DPYD: variants seen among roughly 807,000 people sequenced by gnomAD.
DPYD encodes the protein dihydropyrimidine dehydrogenase [NADP(+)].
A neutral mutation model predicts 116.2 loss-of-function variants in DPYD; 109 were observed. The observed-to-expected ratio is 0.94, with a 90% CI of 0.80 to 1.10. The LOEUF (loss-of-function observed/expected upper bound fraction) is 1.10, where lower values mean the gene tolerates loss of function less well. DPYD is among the 50% of genes least tolerant of loss of function. The pLI is 0.00. For synonymous variants in DPYD, 440 were observed against 432.0 expected (o/e 1.02, Z -0.23); for missense variants, 1,302 against 1,254.5 (o/e 1.04, Z -0.57).
chr1:97,083,768 C>T (rs765252349), intron 21 of DPYD, among the ~76,000 whole-genome samples: 4 of 152,102 alleles, frequency 2.6e-5, no homozygotes, highest in African/African-American at 4.8e-5. Flanking sequence ...TCATCAACAA[C>T]ACGAACTGGG....
chr1:97,261,977 AT>A (rs546420721), intron 18 of DPYD, among the ~76,000 whole-genome samples: 3 of 151,420 alleles, frequency 2.0e-5, no homozygotes, highest in East Asian at 1.9e-4. Context: ...TACTGCCTGA[AT>A]TTTTTTTTGT....
At chr1:97,665,068 C>T (rs1293942043) in intron 8 of DPYD, among the ~76,000 whole-genome samples, 1 of 152,016 alleles carries the variant, frequency 6.6e-6, no homozygotes, top group East Asian at 1.9e-4. Flanking sequence ...CGTATTATCA[C>T]CCAGAATGTT....
At chr1:97,723,723 A>T (rs1303186876) in intron 4 of DPYD, among the ~76,000 whole-genome samples, 1 of 151,594 alleles carries the variant, frequency 6.6e-6, no homozygotes, top group Non-Finnish European at 1.5e-5. Flanking sequence ...TCTCTAAAAG[A>T]GGTTAATAAT....
chr1:97,593,845 T>C (rs1212085143), intron 9 of DPYD, among the ~76,000 whole-genome samples: 1 of 152,228 alleles, frequency 6.6e-6, no homozygotes, highest in Non-Finnish European at 1.5e-5. Flanking sequence ...CTCTGTTATA[T>C]ATTTTGTTAA....
chr1:97,739,277 CATTTTCACATAA>C (rs1346575713), intron 4 of DPYD, among the ~76,000 whole-genome samples: 1 of 152,018 alleles, frequency 6.6e-6, no homozygotes, highest in Non-Finnish European at 1.5e-5. Context: ...CTATATTAGA[CATTTTCACATAA>C]AAATATTATT....
intron 3 of DPYD, among the ~76,000 whole-genome samples, chr1:97,823,821 G>C (rs1669089576): frequency 6.9e-6 from 1 of 144,922 alleles, no homozygotes; most frequent in Admixed American, 6.9e-5. Context: ...CTTTAAAAAT[G>C]CATGAAATTT....
intron 8 of DPYD, among the ~76,000 whole-genome samples, chr1:97,600,342 G>C (rs995647279): frequency 6.9e-4 from 105 of 152,202 alleles, no homozygotes; most frequent in Middle Eastern, 3.4e-3. Flanking sequence ...TGCTGCATTA[G>C]GGACAGTATT....
intron 3 of DPYD, among the ~76,000 whole-genome samples, chr1:97,760,574 C>T (rs1484063857): frequency 6.6e-6 from 1 of 151,732 alleles, no homozygotes; most frequent in African/African-American, 2.4e-5. Flanking sequence ...TAAGTTACAC[C>T]CAACTATTAA....
intron 22 of DPYD, among the ~76,000 whole-genome samples, chr1:97,081,717 C>CTT (rs371355751): frequency 6.3e-4 from 86 of 136,466 alleles, no homozygotes; most frequent in African/African-American, 2.1e-3. Context: ...CTTTTCTTTT[C>CTT]TTTTTTTTTT....
intron 16 of DPYD, among the ~76,000 whole-genome samples, chr1:97,318,500 G>C (rs1294161790): frequency 6.6e-6 from 1 of 151,844 alleles, no homozygotes; most frequent in Non-Finnish European, 1.5e-5. Context: ...TTACATAATG[G>C]TAAAGGGATC....
chr1:97,527,340 G>A (rs1474741444), intron 12 of DPYD, among the ~76,000 whole-genome samples: 1 of 152,036 alleles, frequency 6.6e-6, no homozygotes, highest in Admixed American at 6.6e-5. Flanking sequence ...GCCTCCCAAA[G>A]TGCTGGGATT....
Position 97,566,366 on chromosome 1 carries a change from A to G in DPYD, c.1339+7394T>C, listed in dbSNP as rs532272491. 4.6e-5 allele frequency among the ~76,000 whole-genome samples: 7 copies of G among 152,288 alleles called. No homozygotes were observed. In the East Asian group the frequency reaches 1.2e-3, roughly 25 times the overall value. The stretch of plus-strand genomic sequence containing the variant: ...GAGGGGATTAGAATATATGATCTCT[A>G]AGGTCCTTCTAGCACATTCAGAAAT... On this transcript the variant is annotated intron_variant, in intron 11 of 22. Transcript: ENST00000370192.
intron 16 of DPYD, among the ~76,000 whole-genome samples, chr1:97,326,613 G>T (rs1668717615): frequency 6.6e-6 from 1 of 151,946 alleles, no homozygotes; most frequent in Non-Finnish European, 1.5e-5. Context: ...AGATGTGGAT[G>T]AAATTATTGA....
At chr1:97,165,903 T>A (rs1213896754) in intron 20 of DPYD, among the ~76,000 whole-genome samples, 2 of 135,390 alleles carry the variant, frequency 1.5e-5, no homozygotes, top group Non-Finnish European at 3.1e-5. Context: ...ATGACTACTA[T>A]TAAAAAGTTA....
intron 16 of DPYD, among the ~76,000 whole-genome samples, chr1:97,309,794 T>C (rs1439796935): frequency 2.0e-5 from 3 of 151,774 alleles, no homozygotes; most frequent in Non-Finnish European, 4.4e-5. Flanking sequence ...AAACTGGTTG[T>C]TTTTAAAGCT....
At chr1:97,303,617 A>G (rs1411686884) in intron 18 of DPYD, among the ~76,000 whole-genome samples, 1 of 152,036 alleles carries the variant, frequency 6.6e-6, no homozygotes, top group Non-Finnish European at 1.5e-5. Context: ...TTTTAAACTT[A>G]AGCAAGCATT....
At chr1:97,605,615 G>A (rs1655538862) in intron 8 of DPYD, among the ~76,000 whole-genome samples, 1 of 152,020 alleles carries the variant, frequency 6.6e-6, no homozygotes, top group South Asian at 2.1e-4. Context: ...ATAGCAGCGT[G>A]AGAACCAACT....
At chr1:97,402,844 T>G (rs890073122) in intron 14 of DPYD, among the ~76,000 whole-genome samples, 1 of 152,088 alleles carries the variant, frequency 6.6e-6, no homozygotes, top group Non-Finnish European at 1.5e-5. Flanking sequence ...TGTCAAATGC[T>G]TTATCTGCAT....
At chr1:97,151,602 G>C (rs1165370646) in intron 20 of DPYD, among the ~76,000 whole-genome samples, 2 of 152,126 alleles carry the variant, frequency 1.3e-5, no homozygotes, top group Non-Finnish European at 2.9e-5. Flanking sequence ...TTGAACCTGG[G>C]AGGCGGAATT....
Sources: allele counts gnomAD v4.1 joint callset (sites outside exome capture counted in the v4.1 genomes callset), GRCh38; gene constraint gnomAD v4.1.1; transcripts MANE v1.5; gene names NCBI Gene and HGNC (gene_info 2026-07-23, HGNC 2026-07-21).